The following HYKK variants were observed in gnomAD, a reference collection of about 807,000 sequenced individuals.
HYKK encodes the protein hydroxylysine kinase.
Under a neutral mutation model 29.7 loss-of-function variants are expected in HYKK, and 19 were observed. The observed-to-expected ratio is 0.64, with a 90% CI of 0.45 to 0.94. The LOEUF is 0.94. HYKK is among the 40% of genes least tolerant of loss of function. HYKK has a pLI of 0.00. For missense variants in HYKK, 390 were observed against 443.4 expected, an observed-to-expected ratio of 0.88 and a Z score of 1.08; for synonymous variants, 152 against 158.1, an observed-to-expected ratio of 0.96 and a Z score of 0.29.
chr15:78,513,263 C>T lies in HYKK; in HGVS notation c.175C>T (p.Pro59Ser). ...CTACGTTTCAAAAACCAAAGATGGC[C>T]CAACTGAATATGTCCTCAAAATAAG... is the stretch of plus-strand genomic sequence containing the variant. ...HVYVSKTKDG[P>S]TEYVLKISNT... Residue 59 changes from proline to serine, a missense_variant, in exon 2 of 5, where the codon CCA becomes TCA. Pro to Ser is a moderately conservative substitution (Grantham distance 74). Coordinates refer to ENST00000388988, the MANE Select transcript of HYKK (RefSeq NM_001013619.4). 1 of 1,614,084 alleles carries T rather than the reference C, an allele frequency of 6.2e-7. No homozygotes were observed. The highest frequency in any genetic ancestry group is 8.5e-7 in the Non-Finnish European group (1 of 1,180,024).
rs80108650 is a variant in HYKK, at chr15:78,520,695, C to A, written c.477+5588C>A. 6.2e-4 allele frequency among the ~76,000 whole-genome samples: 95 copies of A among 152,346 alleles called. 1 individual carries two copies. Among genetic ancestry groups the A allele is most frequent in the South Asian group, 4.6e-3 (22 of 4,830 alleles). On this transcript the variant is annotated intron_variant, in intron 3 of 4. Coordinates refer to ENST00000388988, the MANE Select transcript of HYKK (RefSeq NM_001013619.4). ...CTCAATGTTTTCCCCACCTCTCCCC[C>A]CTTTCTATTCCACAAAACCGCCATT...
intron 4 of HYKK, chr15:78,528,504 G>A (rs1199233659): frequency 2.0e-6 from 2 of 985,284 alleles, no homozygotes; most frequent in African/African-American, 3.5e-5. Context: ...TTAAGTACTG[G>A]TCAAAGGCAA....
rs1271702203 is a variant in HYKK, at chr15:78,513,202, G to T, written c.114G>T (p.Arg38=). 1.9e-6 allele frequency: 3 copies of T among 1,613,998 alleles called. No homozygotes were observed. Among genetic ancestry groups the T allele is most frequent in the Non-Finnish European group, 2.5e-6 (3 of 1,180,014 alleles). ...TTGGGTTGAAAGTTTCCAAGGTCCGGCCACTTCCTAGCTATGATGACCAAA... is the reference window on the plus strand; with the variant it reads ...TTGGGTTGAAAGTTTCCAAGGTCCGTCCACTTCCTAGCTATGATGACCAAA... ...SVFGLKVSKV[R]PLPSYDDQNF... Residue 38 remains arginine (R), a synonymous_variant, in exon 2 of 5, where the codon CGG becomes CGT. Transcript: ENST00000388988.
chr15:78,521,265 A>G (rs1442847212), intron 3 of HYKK, among the ~76,000 whole-genome samples: 1 of 152,004 alleles, frequency 6.6e-6, no homozygotes, highest in Non-Finnish European at 1.5e-5. Context: ...TTTGGTTGCC[A>G]TTTGGTCCTC....
intron 1 of HYKK, among the ~76,000 whole-genome samples, chr15:78,507,950 G>A (rs1247970554): frequency 6.6e-6 from 1 of 152,124 alleles, no homozygotes; most frequent in Non-Finnish European, 1.5e-5. Context: ...GGTCTGTGTG[G>A]GGTCGCTGGC....
At chr15:78,531,611 A>C (rs1668686538) in intron 4 of HYKK, among the ~76,000 whole-genome samples, 1 of 152,124 alleles carries the variant, frequency 6.6e-6, no homozygotes, top group Non-Finnish European at 1.5e-5. Context: ...AGCTCACTGC[A>C]ATCTCTGCAT....
chr15:78,536,935 T>G (rs1397119312), downstream of HYKK, among the ~76,000 whole-genome samples: 2 of 152,128 alleles, frequency 1.3e-5, no homozygotes, highest in Admixed American at 6.5e-5. Context: ...ATGGATTCAG[T>G]CTCTCTCCTG....
chr15:78,511,268 G>A (rs2052070473), intron 1 of HYKK, among the ~76,000 whole-genome samples: 3 of 152,188 alleles, frequency 2.0e-5, no homozygotes, highest in East Asian at 1.9e-4. Flanking sequence ...AGATTCTAAC[G>A]ACCTTAAATA....
At position 78,536,150 on chromosome 15, in the gene HYKK, G is replaced by A. The variant is rs1367220609; in HGVS notation, c.*2480G>A. The A allele has an allele frequency of 6.6e-6, 1 of 152,138 alleles. No individual in the cohort carries two copies. Among genetic ancestry groups the A allele is most frequent in the Non-Finnish European group, 1.5e-5 (1 of 68,024 alleles). The allele number at this position is 152,138 out of a possible 1,614,324, so 9.4% of individuals were successfully genotyped here. A position where few individuals can be genotyped will look rare whatever the true frequency, so the allele number is the denominator to read the frequency against. On this transcript the variant is annotated 3_prime_UTR_variant, in exon 5 of 5. Transcript: ENST00000388988. ...CTGTTATAATTAATCGTCATTTTCAGATAAGAAAATAGCAGCTGAAAAAGT... is the reference window on the plus strand; with the variant it reads ...CTGTTATAATTAATCGTCATTTTCAAATAAGAAAATAGCAGCTGAAAAAGT...
At chr15:78,526,441 G>A (rs1164444333) in intron 3 of HYKK, among the ~76,000 whole-genome samples, 1 of 152,252 alleles carries the variant, frequency 6.6e-6, no homozygotes, top group Non-Finnish European at 1.5e-5. Context: ...AGATGGAGTG[G>A]TCAGGACATT....
intron 3 of HYKK, among the ~76,000 whole-genome samples, chr15:78,526,801 T>TGCACAG: frequency 6.6e-6 from 1 of 152,332 alleles, no homozygotes; most frequent in Non-Finnish European, 1.5e-5. Flanking sequence ...TGAGAGATCC[T>TGCACAG]GCACAGATAT....
At chr15:78,537,185 T>A, downstream of HYKK, 1 of 457,496 alleles carries the variant, frequency 2.2e-6, no homozygotes, top group Non-Finnish European at 4.1e-6. Flanking sequence ...TTTATTTCCA[T>A]AATAAATCCC....
At chr15:78,521,982 C>CTTT (rs781592743) in intron 3 of HYKK, among the ~76,000 whole-genome samples, 1 of 140,788 alleles carries the variant, frequency 7.1e-6, no homozygotes. Flanking sequence ...CTTTCTTCTT[C>CTTT]TTTTTTTTTT....
At chr15:78,519,165 C>T (rs1353779617) in intron 3 of HYKK, among the ~76,000 whole-genome samples, 1 of 152,206 alleles carries the variant, frequency 6.6e-6, no homozygotes, top group Admixed American at 6.5e-5. Context: ...CAGGGGCATA[C>T]TTGGTGCTCA....
intron 1 of HYKK, among the ~76,000 whole-genome samples, chr15:78,508,666 T>C (rs913484810): frequency 1.3e-5 from 2 of 151,600 alleles, no homozygotes; most frequent in African/African-American, 4.8e-5. Flanking sequence ...TCCCTTTCAA[T>C]GAAGTAGGAA....
Position 78,527,399 on chromosome 15 carries a change from T to C in HYKK, c.497T>C (p.Leu166Ser). Reference sequence around the variant, plus strand: ...ATTTAGAGATTCCATCACCCAAAGTTAAGTAGTCTTCATCGGGAGAACTTC... The same window carrying C: ...ATTTAGAGATTCCATCACCCAAAGTCAAGTAGTCTTCATCGGGAGAACTTC... Reference protein sequence around the residue: ...KTLQRFHHPKLSSLHRENFIW... With the variant: ...KTLQRFHHPKSSSLHRENFIW... Residue 166 changes from leucine (L) to serine (S), a missense_variant, in exon 4 of 5, where the codon TTA becomes TCA. Transcript: ENST00000388988. 6.2e-7 allele frequency: 1 copy of C among 1,613,946 alleles called. No homozygotes were observed. The highest frequency in any genetic ancestry group is 8.5e-7 in the Non-Finnish European group (1 of 1,179,898).
intron 1 of HYKK, among the ~76,000 whole-genome samples, chr15:78,512,076 A>T (rs2052078722): frequency 6.6e-6 from 1 of 152,230 alleles, no homozygotes; most frequent in African/African-American, 2.4e-5. Flanking sequence ...CATATTCTTT[A>T]CAATTTAAGG....
Position 78,534,813 on chromosome 15 carries a change from C to G in HYKK, c.*1143C>G, listed in dbSNP as rs2052346787. 1 of 152,214 alleles carries G rather than the reference C, an allele frequency of 6.6e-6. No individual in the cohort carries two copies. Among genetic ancestry groups the G allele is most frequent in the African/African-American group, 2.4e-5 (1 of 41,454 alleles). The allele number at this position is 152,214 out of a possible 1,614,324, so 9.4% of individuals were successfully genotyped here. ...AAATAATGACATCCAGGCAAGGCCA[C>G]TAACCCCTGAGCTACTTAAATATAA... On this transcript the variant is annotated 3_prime_UTR_variant, in exon 5 of 5. Transcript: ENST00000388988.
intron 3 of HYKK, among the ~76,000 whole-genome samples, chr15:78,515,413 A>G (rs111325219): frequency 5.3e-5 from 8 of 151,888 alleles, no homozygotes; most frequent in African/African-American, 1.5e-4. Flanking sequence ...GTGAAACCCC[A>G]TCTCTTCTAA....
Sources: gnomAD v4.1 joint callset for allele counts (sites outside exome capture counted in the v4.1 genomes callset) on GRCh38, gnomAD v4.1.1 for gene constraint, MANE v1.5 for transcripts, NCBI Gene and HGNC (gene_info 2026-07-23, HGNC 2026-07-21) for gene names.